Variants in CACNA2D3 observed in about 807,000 individuals in gnomAD.
The protein encoded by CACNA2D3 is voltage-dependent calcium channel subunit alpha-2/delta-3.
A neutral mutation model predicts 160.6 loss-of-function variants in CACNA2D3; 60 were observed. That is an observed-to-expected ratio of 0.37 (90% CI 0.30 to 0.46). The LOEUF is 0.46. Among genes scored for constraint, CACNA2D3 ranks in the 20% least tolerant of loss-of-function variants. CACNA2D3 has a pLI of 1.00. For missense variants in CACNA2D3, 1,205 were observed against 1,365.0 expected, an observed-to-expected ratio of 0.88 and a Z score of 1.85; for synonymous variants, 558 against 492.9, an observed-to-expected ratio of 1.13 and a Z score of -1.75.
intron 27 of CACNA2D3, among the ~76,000 whole-genome samples, chr3:54,936,050 C>T (rs1244483451): frequency 6.6e-6 from 1 of 152,016 alleles, no homozygotes; most frequent in Non-Finnish European, 1.5e-5. Context: ...GGCTGTGTGG[C>T]CTTGAATGAG....
At chr3:54,243,789 G>T (rs532503553) in intron 2 of CACNA2D3, among the ~76,000 whole-genome samples, 1 of 152,208 alleles carries the variant, frequency 6.6e-6, no homozygotes, top group Non-Finnish European at 1.5e-5. Context: ...ATTGCTAGCA[G>T]TGTGACTTCA....
intron 9 of CACNA2D3, among the ~76,000 whole-genome samples, chr3:54,626,058 C>T (rs753127218): frequency 2.6e-5 from 4 of 152,222 alleles, no homozygotes; most frequent in Non-Finnish European, 4.4e-5. Flanking sequence ...TCCTGTTCCT[C>T]TCCCTCCTGG....
intron 25 of CACNA2D3, chr3:54,894,876 C>T (rs1026079883): frequency 6.1e-6 from 2 of 325,840 alleles, no homozygotes; most frequent in African/African-American, 2.2e-5. Context: ...CCAAGATGAG[C>T]CTGGAAGTCC....
chr3:54,638,655 G>A (rs1699434029), intron 10 of CACNA2D3: 2 of 152,004 alleles, frequency 1.3e-5, no homozygotes, highest in Non-Finnish European at 2.9e-5. Flanking sequence ...GATTTGGGAC[G>A]AGTTGCACTG....
At chr3:54,641,006 T>C (rs1006336021) in intron 10 of CACNA2D3, among the ~76,000 whole-genome samples, 1 of 152,108 alleles carries the variant, frequency 6.6e-6, no homozygotes, top group Admixed American at 6.6e-5. Context: ...TGTGTATTTT[T>C]TGAAATCCCC....
rs187143531 is a variant in CACNA2D3, at chr3:54,847,389, C to T, written c.1626+922C>T. Among the ~76,000 whole-genome samples, 294 of 152,236 alleles carry T rather than the reference C, an allele frequency of 1.9e-3. 1 individual carries two copies. Among genetic ancestry groups the T allele is most frequent in the African/African-American group, 6.8e-3 (282 of 41,520 alleles). On this transcript the variant is annotated intron_variant, in intron 17 of 37. Coordinates refer to ENST00000474759, the MANE Select transcript of CACNA2D3 (RefSeq NM_018398.3). ...GTACCTATATGCACATACACAAATG[C>T]ATACATACCCATCCACCCCACCCAT...
intron 13 of CACNA2D3, among the ~76,000 whole-genome samples, chr3:54,793,649 G>C (rs939520935): frequency 6.6e-6 from 1 of 152,172 alleles, no homozygotes; most frequent in South Asian, 2.1e-4. Context: ...CATCCCCCAC[G>C]TAACTCCCTT....
chr3:54,782,261 A>T (rs1449939562), intron 13 of CACNA2D3, among the ~76,000 whole-genome samples: 3 of 152,248 alleles, frequency 2.0e-5, no homozygotes, highest in Admixed American at 2.0e-4. Context: ...ACTCTGAAGT[A>T]TTCTACAGTA....
intron 17 of CACNA2D3, among the ~76,000 whole-genome samples, chr3:54,868,799 G>A (rs190030679): frequency 5.9e-4 from 90 of 152,224 alleles, no homozygotes; most frequent in Middle Eastern, 6.8e-3. Context: ...TTCATTTCAG[G>A]AAAATGAGAT....
At chr3:54,754,038 C>T (rs1382210194) in intron 12 of CACNA2D3, among the ~76,000 whole-genome samples, 2 of 152,192 alleles carry the variant, frequency 1.3e-5, no homozygotes, top group African/African-American at 2.4e-5. Context: ...CGAAATGGTG[C>T]ATATTAAGTG....
intron 9 of CACNA2D3, among the ~76,000 whole-genome samples, chr3:54,615,565 T>C (rs910118850): frequency 1.3e-5 from 2 of 152,214 alleles, no homozygotes; most frequent in Non-Finnish European, 2.9e-5. Flanking sequence ...AATGAGTAGA[T>C]CTTAACATGA....
At chr3:54,616,090 T>C (rs1371461932) in intron 9 of CACNA2D3, among the ~76,000 whole-genome samples, 1 of 152,206 alleles carries the variant, frequency 6.6e-6, no homozygotes, top group African/African-American at 2.4e-5. Context: ...AACCAGTCTC[T>C]AGTGCCAAAA....
chr3:54,970,838 C>T (rs1702262072), intron 29 of CACNA2D3, among the ~76,000 whole-genome samples: 1 of 151,734 alleles, frequency 6.6e-6, no homozygotes, highest in Non-Finnish European at 1.5e-5. Flanking sequence ...TCTCTCTCTG[C>T]ATCAGTGAAA....
intron 2 of CACNA2D3, among the ~76,000 whole-genome samples, chr3:54,319,384 G>T (rs922435259): frequency 6.6e-6 from 1 of 152,144 alleles, no homozygotes; most frequent in African/African-American, 2.4e-5. Flanking sequence ...GAGATGTGGA[G>T]CCCCTTGATT....
intron 2 of CACNA2D3, among the ~76,000 whole-genome samples, chr3:54,226,737 A>G (rs1701681057): frequency 6.6e-6 from 1 of 152,198 alleles, no homozygotes; most frequent in Admixed American, 6.5e-5. Flanking sequence ...CTCAGCCTTC[A>G]GCCACGTGGC....
chr3:54,198,884 G>A (rs1264974274), intron 2 of CACNA2D3, among the ~76,000 whole-genome samples: 1 of 152,256 alleles, frequency 6.6e-6, no homozygotes, highest in East Asian at 1.9e-4. Flanking sequence ...GCTGAGTGAT[G>A]GCCGTGGCCG....
intron 2 of CACNA2D3, among the ~76,000 whole-genome samples, chr3:54,281,436 T>TG (rs1005042930): frequency 2.4e-4 from 37 of 152,194 alleles, no homozygotes; most frequent in African/African-American, 8.4e-4. Context: ...ACCCTCCCGG[T>TG]GGCAGAGTGG....
rs1700732625 is a variant in CACNA2D3 at position 54,918,538 on chromosome 3, T to C, written c.2449+18670T>C. The C allele has an allele frequency of 5.0e-6, 8 of 1,613,928 alleles. No homozygotes were observed. The highest frequency in any genetic ancestry group is 3.3e-5 in the Admixed American group (2 of 59,990). ...GGTTTGAGCCAAGGGTCCCCCATGGTACTGGGCTGTGATTGCCGCATAGGT... is the reference window on the plus strand; with the variant it reads ...GGTTTGAGCCAAGGGTCCCCCATGGCACTGGGCTGTGATTGCCGCATAGGT... On this transcript the variant is annotated intron_variant, in intron 27 of 37. Transcript: ENST00000474759.
intron 4 of CACNA2D3, among the ~76,000 whole-genome samples, chr3:54,460,874 C>T (rs1209184514): frequency 6.6e-6 from 1 of 152,166 alleles, no homozygotes; most frequent in Non-Finnish European, 1.5e-5. Context: ...GGGAATGCTT[C>T]CAGTTTTTGC....
Sources: gnomAD v4.1 joint callset for allele counts (sites outside exome capture counted in the v4.1 genomes callset) on GRCh38, gnomAD v4.1.1 for gene constraint, MANE v1.5 for transcripts, NCBI Gene and HGNC (gene_info 2026-07-23, HGNC 2026-07-21) for gene names.